The following MAGI2 variants were observed in gnomAD, a reference collection of about 807,000 sequenced individuals.
MAGI2 encodes membrane associated guanylate kinase, WW and PDZ domain containing 2.
In MAGI2, 35 loss-of-function variants were observed where a neutral mutation model predicts 133.3. The ratio of observed to expected loss-of-function variants is 0.26; its 90% CI spans 0.20 to 0.35. The LOEUF (loss-of-function observed/expected upper bound fraction) is 0.35. Among genes scored for constraint, MAGI2 ranks in the 10% least tolerant of loss-of-function variants. The pLI, the probability that MAGI2 is intolerant of heterozygous loss-of-function variation, is 1.00. For synonymous variants in MAGI2, 729 were observed against 710.6 expected, an observed-to-expected ratio of 1.03 and a Z score of -0.41; for missense variants, 1,636 against 1,863.4, an observed-to-expected ratio of 0.88 and a Z score of 2.25.
intron 1 of MAGI2, among the ~76,000 whole-genome samples, chr7:79,436,819 C>T (rs1040688502): frequency 3.3e-5 from 5 of 152,126 alleles, no homozygotes; most frequent in African/African-American, 1.2e-4. Context: ...ATAGAATTTC[C>T]ATTCAATCCA....
chr7:79,359,114 A>C (rs1842208408), intron 1 of MAGI2, among the ~76,000 whole-genome samples: 1 of 152,228 alleles, frequency 6.6e-6, no homozygotes, highest in East Asian at 1.9e-4. Flanking sequence ...AAATCTCTTG[A>C]AACAAATGAA....
intron 2 of MAGI2, among the ~76,000 whole-genome samples, chr7:78,884,993 A>C (rs1457788081): frequency 6.6e-6 from 1 of 152,226 alleles, no homozygotes; most frequent in African/African-American, 2.4e-5. Context: ...GCTCAAAATC[A>C]GGTCCATTTG....
intron 2 of MAGI2, among the ~76,000 whole-genome samples, chr7:78,876,728 T>C (rs1024827186): frequency 6.6e-6 from 1 of 152,182 alleles, no homozygotes; most frequent in Non-Finnish European, 1.5e-5. Flanking sequence ...CATTCAATGC[T>C]GTTTGTTATA....
chr7:78,345,771 G>A, intron 8 of MAGI2, 151 bp downstream of exon 8: 3 of 1,116,920 alleles, frequency 2.7e-6, no homozygotes, highest in African/African-American at 1.6e-5. Flanking sequence ...AGTTTAGAGA[G>A]AATGCAAACA....
At chr7:78,612,474 A>C (rs1806554883) in intron 3 of MAGI2, among the ~76,000 whole-genome samples, 1 of 152,182 alleles carries the variant, frequency 6.6e-6, no homozygotes, top group Admixed American at 6.5e-5. Flanking sequence ...TTAAAAAATA[A>C]CATTAGAAAA....
chr7:79,399,865 T>C (rs1845348003), intron 1 of MAGI2, among the ~76,000 whole-genome samples: 1 of 152,208 alleles, frequency 6.6e-6, no homozygotes, highest in Non-Finnish European at 1.5e-5. Flanking sequence ...CTATCATACA[T>C]CTGGCTGAAG....
intron 3 of MAGI2, among the ~76,000 whole-genome samples, chr7:78,533,308 G>C (rs1436783339): frequency 6.6e-6 from 1 of 152,074 alleles, no homozygotes; most frequent in East Asian, 1.9e-4. Context: ...ACTGAGAAAC[G>C]AGCACAGTAG....
intron 1 of MAGI2, among the ~76,000 whole-genome samples, chr7:79,262,259 T>A (rs1371141767): frequency 6.6e-6 from 1 of 152,196 alleles, no homozygotes; most frequent in African/African-American, 2.4e-5. Flanking sequence ...AGTTTTGTTT[T>A]ATTTAAGGTT....
intron 1 of MAGI2, among the ~76,000 whole-genome samples, chr7:79,115,896 T>C (rs977666718): frequency 3.6e-5 from 5 of 139,126 alleles, no homozygotes; most frequent in African/African-American, 8.9e-5. Flanking sequence ...GAAACAACAT[T>C]ACTGGAAAAT....
chr7:79,151,261 C>G (rs1434375183), intron 1 of MAGI2, among the ~76,000 whole-genome samples: 4 of 152,060 alleles, frequency 2.6e-5, no homozygotes, highest in Non-Finnish European at 5.9e-5. Flanking sequence ...TTGAAACCTA[C>G]TAAATTGTTT....
intron 1 of MAGI2, among the ~76,000 whole-genome samples, chr7:79,422,760 C>G (rs4730818): frequency 0.24 from 37,104 of 151,828 alleles, 6,539 homozygotes; most frequent in African/African-American, 0.5. Flanking sequence ...TGTGCAAAAA[C>G]ACAGCCCGAC....
chr7:78,541,865 T>A (rs1798437895), intron 3 of MAGI2, among the ~76,000 whole-genome samples: 1 of 152,246 alleles, frequency 6.6e-6, no homozygotes. Flanking sequence ...ATAATCTTTA[T>A]GAAAAGACTG....
chr7:78,716,624 T>C (rs1353767751), intron 2 of MAGI2, among the ~76,000 whole-genome samples: 2 of 152,218 alleles, frequency 1.3e-5, no homozygotes, highest in African/African-American at 4.8e-5. Context: ...AAAAGTGTGG[T>C]ACATTCACAT....
chr7:78,243,275 T>A (rs143699384), intron 10 of MAGI2, among the ~76,000 whole-genome samples: 4,764 of 45,006 alleles, frequency 0.11, 82 homozygotes, highest in East Asian at 0.2. Context: ...ACACACTCTC[T>A]CTCTCTCTCT....
intron 2 of MAGI2, among the ~76,000 whole-genome samples, chr7:78,841,813 A>G (rs1221133804): frequency 6.6e-6 from 1 of 151,784 alleles, no homozygotes; most frequent in Non-Finnish European, 1.5e-5. Context: ...TCTGGAAATC[A>G]TTTTTCCATC....
chr7:79,232,027 T>C (rs368529048), intron 1 of MAGI2, among the ~76,000 whole-genome samples: 1 of 152,088 alleles, frequency 6.6e-6, no homozygotes, highest in Non-Finnish European at 1.5e-5. Flanking sequence ...TGTCAAAGGC[T>C]TTTTCTGCAT....
intron 2 of MAGI2, among the ~76,000 whole-genome samples, chr7:78,790,287 C>A (rs941464484): frequency 1.3e-5 from 2 of 152,002 alleles, no homozygotes; most frequent in African/African-American, 4.8e-5. Flanking sequence ...TGATATGATG[C>A]CTTGCTCTTT....
chr7:78,585,566 A>C (rs561997474), intron 3 of MAGI2, among the ~76,000 whole-genome samples: 53 of 152,302 alleles, frequency 3.5e-4, no homozygotes, highest in African/African-American at 1.3e-3. Flanking sequence ...ACCAGTGGCA[A>C]TGTGCAGCTG....
At chr7:79,136,095 A>AAG (rs1415970085) in intron 1 of MAGI2, among the ~76,000 whole-genome samples, 1 of 150,754 alleles carries the variant, frequency 6.6e-6, no homozygotes, top group East Asian at 1.9e-4. Context: ...GAAAGAAAGA[A>AAG]AGAAAGAAAG....
Sources: gnomAD v4.1 joint callset for allele counts (sites outside exome capture counted in the v4.1 genomes callset) on GRCh38, gnomAD v4.1.1 for gene constraint, MANE v1.5 for transcripts, NCBI Gene and HGNC (gene_info 2026-07-23, HGNC 2026-07-21) for gene names.